MID1: variants seen among roughly 807,000 people sequenced by gnomAD.
MID1 encodes midline 1.
A neutral mutation model predicts 40.4 loss-of-function variants in MID1; 7 were observed. That is an observed-to-expected ratio of 0.17 (90% confidence interval 0.10 to 0.33). The LOEUF is 0.33. Among genes scored for constraint, MID1 ranks in the 10% least tolerant of loss-of-function variants. The pLI is 1.00. For synonymous variants in MID1, 229 were observed against 221.2 expected, an observed-to-expected ratio of 1.04 and a Z score of -0.31; for missense variants, 367 against 558.5, an observed-to-expected ratio of 0.66 and a Z score of 3.46.
chrX:10,676,348 G>A (rs930932917), intron 1 of MID1, among the ~76,000 whole-genome samples: 4 of 111,929 alleles, frequency 3.6e-5, no homozygotes, highest in Non-Finnish European at 7.5e-5. Context: ...AAACAGCGCC[G>A]TCCTCATACA....
At chrX:10,730,070 C>T (rs2043431846) in intron 1 of MID1, among the ~76,000 whole-genome samples, 2 of 99,470 alleles carry the variant, frequency 2.0e-5, no homozygotes, top group South Asian at 4.5e-4. Flanking sequence ...GGCAACAGAG[C>T]GAGACTCCAT....
chrX:10,465,214 T>TATACACACACACACAC (rs1477864693), intron 7 of MID1, among the ~76,000 whole-genome samples: 2 of 39,898 alleles, frequency 5.0e-5, no homozygotes, highest in African/African-American at 2.8e-4. Flanking sequence ...TATATATATA[T>TATACACACACACACAC]ACACACACAC....
intron 2 of MID1, among the ~76,000 whole-genome samples, chrX:10,560,832 G>GAAC (rs1934309811): frequency 6.2e-5 from 6 of 96,514 alleles, no homozygotes; most frequent in African/African-American, 3.1e-4. Flanking sequence ...TCCCCATCAA[G>GAAC]CTACCATTGA....
At chrX:10,516,761 G>A (rs915654710) in intron 3 of MID1, among the ~76,000 whole-genome samples, 26 of 110,515 alleles carry the variant, frequency 2.4e-4, no homozygotes, top group African/African-American at 4.9e-4. Flanking sequence ...GATTACAGGC[G>A]CACACCACCA....
At chrX:10,666,106 A>G (rs1027765277) in intron 1 of MID1, among the ~76,000 whole-genome samples, 2 of 110,587 alleles carry the variant, frequency 1.8e-5, no homozygotes, top group African/African-American at 6.6e-5. Context: ...AAAATAAAAA[A>G]AGAGAGAGAA....
chrX:10,519,455 A>C (rs916644750), intron 3 of MID1, among the ~76,000 whole-genome samples: 5 of 111,823 alleles, frequency 4.5e-5, no homozygotes, highest in Non-Finnish European at 9.4e-5. Context: ...AAGAGAATCC[A>C]GTCTAAGCAG....
At position 10,690,299 on chromosome X, in the gene MID1, C is replaced by A. The variant is rs563944426; in HGVS notation, c.-186-69880G>T. 7.1e-5 allele frequency among the ~76,000 whole-genome samples: 8 copies of A among 111,938 alleles called. 1 individual carries two copies. Among genetic ancestry groups the A allele is most frequent in the African/African-American group, 2.6e-4 (8 of 30,855 alleles). On this transcript the variant is annotated intron_variant, in intron 1 of 10. Transcript: ENST00000380785. ...AAGTAGTAGAGTCAATATTACAATT[C>A]AATTCAGCCTGACTTCAAAAAGCAG...
chrX:10,580,113 TAC>T (rs34361228), intron 1 of MID1, among the ~76,000 whole-genome samples: 44,311 of 99,965 alleles, frequency 0.44, 8,030 homozygotes, highest in Non-Finnish European at 0.48. Context: ...TTAAAACACA[TAC>T]ACACACACAC....
upstream of MID1, among the ~76,000 whole-genome samples, chrX:10,623,083 C>CA (rs763054366): frequency 0.16 from 5,282 of 32,459 alleles, 435 homozygotes; most frequent in African/African-American, 0.31. Context: ...GCTGTCTCTA[C>CA]AAAAAAAAAA....
chrX:10,777,991 C>T (rs1038684740), intron 1 of MID1, among the ~76,000 whole-genome samples: 3 of 111,035 alleles, frequency 2.7e-5, no homozygotes, highest in East Asian at 5.6e-4. Context: ...TGCCTTCTTC[C>T]GAAATACCTC....
At chrX:10,700,951 C>T (rs2043190223) in intron 1 of MID1, among the ~76,000 whole-genome samples, 2 of 112,181 alleles carry the variant, frequency 1.8e-5, no homozygotes. Flanking sequence ...AACTAAAGAG[C>T]AGCTTACAAG....
intron 3 of MID1, among the ~76,000 whole-genome samples, chrX:10,514,061 A>G (rs970840045): frequency 9.0e-6 from 1 of 111,716 alleles, no homozygotes; most frequent in African/African-American, 3.3e-5. Flanking sequence ...TGGGCCTCCA[A>G]TTAAGGCCTA....
chrX:10,513,460 A>G lies in MID1; in HGVS notation c.756+9632T>C, dbSNP rs561882700. 9.8e-5 allele frequency among the ~76,000 whole-genome samples: 11 copies of G among 112,261 alleles called. No homozygotes were observed. In the South Asian group the frequency reaches 3.7e-3, roughly 38 times the overall value. The stretch of plus-strand genomic sequence containing the variant: ...CTCTTTCACCTGAAACCATCCAGCT[A>G]AGACCATCTCATATAAAAGTTGAGT... On this transcript the variant is annotated intron_variant, in intron 3 of 9. Coordinates refer to ENST00000317552, the MANE Select transcript of MID1 (RefSeq NM_000381.4).
intron 1 of MID1, among the ~76,000 whole-genome samples, chrX:10,634,490 C>T (rs1936087290): frequency 1.8e-5 from 2 of 111,292 alleles, no homozygotes; most frequent in African/African-American, 6.5e-5. Context: ...AGATGTGTAT[C>T]CTTCCTGGTA....
At chrX:10,681,232 C>T (rs2043058639) in intron 1 of MID1, among the ~76,000 whole-genome samples, 1 of 110,851 alleles carries the variant, frequency 9.0e-6, no homozygotes, top group South Asian at 3.9e-4. Context: ...AAAGGCCTAT[C>T]GCTAGTCCTT....
At chrX:10,480,095 C>T (rs1261645810) in intron 5 of MID1, among the ~76,000 whole-genome samples, 2 of 111,923 alleles carry the variant, frequency 1.8e-5, no homozygotes, top group African/African-American at 6.5e-5. Context: ...AGAGGATTGA[C>T]AAATAGTGAT....
chrX:10,533,182 G>A (rs1004669376), intron 2 of MID1, among the ~76,000 whole-genome samples: 1 of 109,746 alleles, frequency 9.1e-6, no homozygotes, highest in Non-Finnish European at 1.9e-5. Flanking sequence ...ATTGTTTACT[G>A]TTGCTTTCAC....
chrX:10,754,672 T>C (rs7878745), intron 1 of MID1, among the ~76,000 whole-genome samples: 27,789 of 110,212 alleles, frequency 0.25, 5,580 homozygotes, highest in African/African-American at 0.68. Flanking sequence ...TGTATGATGG[T>C]GATGCGATTA....
chrX:10,686,136 T>C (rs1258464447), intron 1 of MID1, among the ~76,000 whole-genome samples: 1 of 111,489 alleles, frequency 9.0e-6, no homozygotes, highest in Non-Finnish European at 1.9e-5. Context: ...CATTGGGATG[T>C]GAGTCACTAT....
Sources: allele counts gnomAD v4.1 joint callset (sites outside exome capture counted in the v4.1 genomes callset), GRCh38; gene constraint gnomAD v4.1.1; transcripts MANE v1.5; gene names NCBI Gene and HGNC (gene_info 2026-07-23, HGNC 2026-07-21).